The following ITPR1 variants were observed in gnomAD, a reference collection of about 807,000 sequenced individuals.
ITPR1 encodes the protein inositol 1,4,5-trisphosphate receptor type 1.
In ITPR1, 96 loss-of-function variants were observed where a neutral mutation model predicts 318.4. That is an observed-to-expected ratio of 0.30 (90% CI 0.26 to 0.36). The LOEUF (loss-of-function observed/expected upper bound fraction) is 0.36, where lower values mean the gene tolerates loss of function less well. Ranked by LOEUF, ITPR1 falls within the 10% of genes least tolerant of loss-of-function variation. The pLI is 1.00. For missense variants in ITPR1, 2,440 were observed against 3,460.2 expected, an observed-to-expected ratio of 0.71 and a Z score of 7.40; for synonymous variants, 1,312 against 1,289.9, an observed-to-expected ratio of 1.02 and a Z score of -0.37.
intron 24 of ITPR1, 61 bp downstream of exon 24, chr3:4,676,862 G>A: frequency 7.5e-7 from 1 of 1,334,318 alleles, no homozygotes; most frequent in Non-Finnish European, 1.0e-6. Flanking sequence ...TTCAGATCCA[G>A]TCCCTCTGTT....
At chr3:4,608,453 G>A (rs1452809885) in intron 4 of ITPR1, among the ~76,000 whole-genome samples, 1 of 152,140 alleles carries the variant, frequency 6.6e-6, no homozygotes, top group Non-Finnish European at 1.5e-5. Context: ...GTATTCATCA[G>A]TCCATCTTCC....
chr3:4,712,144 C>A (rs1216138346), intron 39 of ITPR1, among the ~76,000 whole-genome samples: 3 of 152,196 alleles, frequency 2.0e-5, no homozygotes, highest in African/African-American at 4.8e-5. Context: ...GATTTTCCAT[C>A]TATTTAAATT....
chr3:4,808,679 T>C (rs1271599288), intron 55 of ITPR1, among the ~76,000 whole-genome samples: 1 of 152,196 alleles, frequency 6.6e-6, no homozygotes. Flanking sequence ...CAGAAAACAC[T>C]GACACTTCAA....
intron 4 of ITPR1, among the ~76,000 whole-genome samples, chr3:4,553,282 C>G (rs2085757515): frequency 2.0e-5 from 3 of 152,132 alleles, no homozygotes; most frequent in Non-Finnish European, 4.4e-5. Context: ...CAGTGAATTA[C>G]AGGACCAAAG....
chr3:4,584,575 GA>G (rs2089686033), intron 4 of ITPR1, among the ~76,000 whole-genome samples: 1 of 148,864 alleles, frequency 6.7e-6, no homozygotes, highest in Non-Finnish European at 1.5e-5. Flanking sequence ...TTTTTTTTGT[GA>G]AAGGAAGTTG....
chr3:4,786,779 A>C (rs2047225553), intron 51 of ITPR1, among the ~76,000 whole-genome samples: 1 of 152,212 alleles, frequency 6.6e-6, no homozygotes, highest in Non-Finnish European at 1.5e-5. Context: ...AAACATACCC[A>C]GCATAAAGAA....
intron 60 of ITPR1, among the ~76,000 whole-genome samples, chr3:4,822,275 C>T (rs1279661295): frequency 2.0e-5 from 3 of 152,270 alleles, no homozygotes; most frequent in East Asian, 3.9e-4. Flanking sequence ...GCAGGGGCTG[C>T]GGGGCTGACA....
At chr3:4,719,883 C>A (rs1326478546) in intron 40 of ITPR1, among the ~76,000 whole-genome samples, 1 of 149,528 alleles carries the variant, frequency 6.7e-6, no homozygotes, top group Non-Finnish European at 1.5e-5. Flanking sequence ...TCCTTACCCC[C>A]TGATTTTTCT....
At chr3:4,736,748 T>C (rs1220596917) in intron 44 of ITPR1, among the ~76,000 whole-genome samples, 3 of 152,248 alleles carry the variant, frequency 2.0e-5, no homozygotes, top group Non-Finnish European at 4.4e-5. Flanking sequence ...TGCTGTGTTC[T>C]GGGCTCCTGT....
chr3:4,648,270 T>G (rs1303184706), intron 10 of ITPR1, among the ~76,000 whole-genome samples: 1 of 152,220 alleles, frequency 6.6e-6, no homozygotes, highest in Non-Finnish European at 1.5e-5. Context: ...ATTTTCCCCT[T>G]TCTTCCTCCT....
chr3:4,759,069 TG>T (rs112023125), intron 44 of ITPR1, among the ~76,000 whole-genome samples: 2,078 of 152,306 alleles, frequency 0.014, 47 homozygotes, highest in African/African-American at 0.047. Flanking sequence ...GGCCAAAGAC[TG>T]GTGTCCAACT....
chr3:4,495,254 A>G (rs1405609857), intron 2 of ITPR1, among the ~76,000 whole-genome samples: 1 of 151,230 alleles, frequency 6.6e-6, no homozygotes, highest in Non-Finnish European at 1.5e-5. Flanking sequence ...TTTCTCCTGA[A>G]ATGTTCAGGA....
At chr3:4,755,682 T>C (rs538925002) in intron 44 of ITPR1, among the ~76,000 whole-genome samples, 13 of 152,320 alleles carry the variant, frequency 8.5e-5, no homozygotes, top group Admixed American at 8.5e-4. Flanking sequence ...ACCAGATTAA[T>C]AAGAGTGAAG....
At chr3:4,546,230 G>A (rs1164006958) in intron 4 of ITPR1, among the ~76,000 whole-genome samples, 2 of 152,152 alleles carry the variant, frequency 1.3e-5, no homozygotes, top group Non-Finnish European at 2.9e-5. Context: ...TGAGAGGATA[G>A]AGTTGGGGAG....
In ITPR1 at chr3:4,779,463, C is replaced by A; in HGVS notation, c.6292-87C>A. 1.1e-6 allele frequency: 1 copy of A among 908,522 alleles called. No individual in the cohort carries two copies. 56.3% of individuals were successfully genotyped at this position (908,522 alleles called of 1,614,324 possible). On this transcript the variant is annotated intron_variant, in intron 48 of 61. Transcript: ENST00000649015. This position sits in a 1 kb window ranked among gnomAD's most constrained non-coding sequence, Gnocchi z 4.0. ...AATGTTCGTCTGTTTAGCCGGGATG[C>A]CTCCCATGTGCCAGTTGGCACCTGC...
intron 4 of ITPR1, among the ~76,000 whole-genome samples, chr3:4,550,555 C>A (rs748816653): frequency 6.6e-6 from 1 of 152,072 alleles, no homozygotes; most frequent in Non-Finnish European, 1.5e-5. Flanking sequence ...ATAATTAGGC[C>A]AGTTATCTCC....
intron 2 of ITPR1, among the ~76,000 whole-genome samples, chr3:4,506,084 A>C (rs939838607): frequency 3.3e-5 from 5 of 152,214 alleles, no homozygotes; most frequent in African/African-American, 4.8e-5. Flanking sequence ...ATTAATTGTC[A>C]ACATAACTAT....
chr3:4,517,296 A>C (rs532971650), intron 3 of ITPR1, among the ~76,000 whole-genome samples: 1 of 152,226 alleles, frequency 6.6e-6, no homozygotes, highest in African/African-American at 2.4e-5. Context: ...GTTAACTCCA[A>C]AATAGTTACG....
chr3:4,730,141 C>T (rs1256718355), intron 42 of ITPR1, among the ~76,000 whole-genome samples: 3 of 150,102 alleles, frequency 2.0e-5, no homozygotes, highest in African/African-American at 7.4e-5. Context: ...AATTCTTATC[C>T]ATTTTCCTTT....
Sources: allele counts gnomAD v4.1 joint callset (sites outside exome capture counted in the v4.1 genomes callset), GRCh38; gene constraint gnomAD v4.1.1; non-coding constraint Gnocchi (gnomAD v3.1); transcripts MANE v1.5; gene names NCBI Gene and HGNC (gene_info 2026-07-23, HGNC 2026-07-21).